The following TPRG1 variants were observed in gnomAD, a reference collection of about 807,000 sequenced individuals.
The protein encoded by TPRG1 is tumor protein p63 regulated 1.
TPRG1 carries 29 observed loss-of-function variants against 29.3 expected under a neutral mutation model. The ratio of observed to expected loss-of-function variants is 0.99; its 90% CI spans 0.74 to 1.35. TPRG1 has a LOEUF of 1.35. Ranked by LOEUF, TPRG1 falls within the 40% of genes most tolerant of loss-of-function variation. The pLI is 0.00. For missense variants in TPRG1, 327 were observed against 335.0 expected (o/e 0.98, Z 0.19); for synonymous variants, 130 against 116.8 (o/e 1.11, Z -0.73).
At chr3:189,043,219 C>T (rs2152135564) in intron 4 of TPRG1, among the ~76,000 whole-genome samples, 1 of 152,290 alleles carries the variant, frequency 6.6e-6, no homozygotes, top group South Asian at 2.1e-4. Flanking sequence ...CATAGGGCCT[C>T]ATGGTGCCTG....
At chr3:189,095,631 G>C (rs1268939812), upstream of TPRG1, among the ~76,000 whole-genome samples, 1 of 152,070 alleles carries the variant, frequency 6.6e-6, no homozygotes, top group African/African-American at 2.4e-5. Flanking sequence ...ACTTAGGTTA[G>C]CACTGAACTC....
intron 1 of TPRG1, among the ~76,000 whole-genome samples, chr3:189,206,808 C>CGTGTGTGTGTGTGTGTGTGT (rs142505576): frequency 0.026 from 3,818 of 147,682 alleles, 179 homozygotes; most frequent in African/African-American, 0.09. Flanking sequence ...GCTGAACAAC[C>CGTGTGTGTGTGTGTGTGTGT]GTGTGTGTGT....
chr3:189,096,917 A>G (rs1718718208), upstream of TPRG1, among the ~76,000 whole-genome samples: 1 of 152,028 alleles, frequency 6.6e-6, no homozygotes, highest in South Asian at 2.1e-4. Flanking sequence ...CTTTTTTGCT[A>G]CCACATCAAA....
chr3:189,160,599 C>T (rs1372428806), intron 5 of TPRG1, among the ~76,000 whole-genome samples: 2 of 152,174 alleles, frequency 1.3e-5, no homozygotes, highest in East Asian at 1.9e-4. Flanking sequence ...CTCTCATCCT[C>T]CCCAACCCAA....
chr3:189,207,412 T>A lies in TPRG1; in HGVS notation c.28T>A (p.Phe10Ile). Reference protein sequence around the residue: MSTIGSFEGFQAVSLKQEGD... With the variant: MSTIGSFEGIQAVSLKQEGD... ...GTCAACAATTGGGAGTTTTGAAGGA[T>A]TCCAGGCTGTGTCTCTGAAGCAAGA... The change falls in exon 2 of 6, where the codon TTC becomes ATC. Residue 10 changes from phenylalanine to isoleucine, a missense_variant. Physicochemically the swap from Phe to Ile is conservative, Grantham distance 21. Transcript: ENST00000345063. 6.2e-7 allele frequency: 1 copy of A among 1,613,988 alleles called. No homozygotes were observed. The highest frequency in any genetic ancestry group is 8.5e-7 in the Non-Finnish European group (1 of 1,179,934).
chr3:189,232,462 G>A (rs540474668), intron 3 of TPRG1, among the ~76,000 whole-genome samples: 2 of 152,302 alleles, frequency 1.3e-5, no homozygotes, highest in African/African-American at 2.4e-5. Context: ...CAAGAGGCTG[G>A]GAATCTGGGG....
At chr3:189,116,633 G>T (rs1014405755) in intron 1 of TPRG1, among the ~76,000 whole-genome samples, 1 of 152,282 alleles carries the variant, frequency 6.6e-6, no homozygotes, top group Non-Finnish European at 1.5e-5. Context: ...TCTGACATTT[G>T]CTATGACTTG....
chr3:189,018,712 A>G (rs1404841421), intron 3 of TPRG1, among the ~76,000 whole-genome samples: 34 of 151,062 alleles, frequency 2.3e-4, no homozygotes, highest in African/African-American at 6.1e-4. Context: ...TTGGCATTGC[A>G]GGCTCTTTTT....
At chr3:189,279,531 C>G (rs145310177) in intron 4 of TPRG1, among the ~76,000 whole-genome samples, 1 of 152,306 alleles carries the variant, frequency 6.6e-6, no homozygotes, top group East Asian at 1.9e-4. Flanking sequence ...ATTATTCAAT[C>G]TCTCTAAACC....
chr3:189,288,558 T>G (rs896760285), intron 4 of TPRG1, among the ~76,000 whole-genome samples: 1 of 152,248 alleles, frequency 6.6e-6, no homozygotes. Context: ...TTGGGGCCTT[T>G]GCATTCTATC....
intron 1 of TPRG1, among the ~76,000 whole-genome samples, chr3:189,181,670 A>G (rs1309111358): frequency 2.0e-5 from 3 of 152,188 alleles, no homozygotes; most frequent in African/African-American, 7.2e-5. Context: ...AGTCTCTAAG[A>G]AGTCTCAAAC....
intron 3 of TPRG1, among the ~76,000 whole-genome samples, chr3:189,022,990 C>T (rs1192056237): frequency 6.6e-6 from 1 of 151,700 alleles, no homozygotes; most frequent in East Asian, 1.9e-4. Flanking sequence ...ACCCGATTTT[C>T]CAGGTGCCGT....
chr3:189,035,600 C>T (rs963324888), intron 4 of TPRG1, among the ~76,000 whole-genome samples: 2 of 151,848 alleles, frequency 1.3e-5, no homozygotes, highest in Non-Finnish European at 2.9e-5. Context: ...ACCAAGTAAC[C>T]CCATTAAAAT....
chr3:188,998,803 AC>A (rs774141176), intron 1 of TPRG1, among the ~76,000 whole-genome samples: 54 of 152,188 alleles, frequency 3.5e-4, no homozygotes, highest in Non-Finnish European at 6.3e-4. Context: ...AATGATGCTT[AC>A]CAGAGGCTGA....
chr3:189,028,245 C>G (rs1475969607), intron 4 of TPRG1, among the ~76,000 whole-genome samples: 1 of 152,184 alleles, frequency 6.6e-6, no homozygotes, highest in African/African-American at 2.4e-5. Flanking sequence ...TTCAAGTTCC[C>G]TGACCGCATT....
chr3:189,250,698 G>A (rs1031803986), intron 4 of TPRG1, among the ~76,000 whole-genome samples: 1 of 147,276 alleles, frequency 6.8e-6, no homozygotes, highest in Non-Finnish European at 1.5e-5. Flanking sequence ...ATAATGGCAA[G>A]CTGACTCCAA....
At chr3:189,010,351 A>T (rs1041850516) in intron 3 of TPRG1, among the ~76,000 whole-genome samples, 3 of 152,214 alleles carry the variant, frequency 2.0e-5, no homozygotes, top group Admixed American at 6.5e-5. Flanking sequence ...CTATTTGAAG[A>T]ATCACCACAC....
chr3:189,005,959 C>T (rs1449980057), intron 3 of TPRG1, among the ~76,000 whole-genome samples: 1 of 151,978 alleles, frequency 6.6e-6, no homozygotes, highest in Non-Finnish European at 1.5e-5. Flanking sequence ...TAAACAGCAA[C>T]AACAGCAGTA....
intron 3 of TPRG1, among the ~76,000 whole-genome samples, chr3:189,006,862 G>T (rs113341664): frequency 3.3e-5 from 5 of 152,110 alleles, no homozygotes; most frequent in African/African-American, 7.2e-5. Flanking sequence ...TTCTATGGCA[G>T]ACTTGAGTCA....
Sources: allele counts gnomAD v4.1 joint callset (sites outside exome capture counted in the v4.1 genomes callset), GRCh38; gene constraint gnomAD v4.1.1; transcripts MANE v1.5; gene names NCBI Gene and HGNC (gene_info 2026-07-23, HGNC 2026-07-21).